Variants in INPP5B observed in about 807,000 individuals in gnomAD.
The protein encoded by INPP5B is type II inositol 1,4,5-trisphosphate 5-phosphatase.
INPP5B carries 90 observed loss-of-function variants against 118.5 expected under a neutral mutation model. That is an observed-to-expected ratio of 0.76 (90% CI 0.64 to 0.90). The LOEUF (loss-of-function observed/expected upper bound fraction) is 0.90, where lower values mean the gene tolerates loss of function less well. Among genes scored for constraint, INPP5B ranks in the 40% least tolerant of loss-of-function variants. The probability of loss-of-function intolerance (pLI) is 0.00; values close to 1 mark genes in which losing one functional copy is unlikely to be tolerated. For synonymous variants in INPP5B, 385 were observed against 418.9 expected, an observed-to-expected ratio of 0.92 and a Z score of 0.99; for missense variants, 984 against 1,125.6, an observed-to-expected ratio of 0.87 and a Z score of 1.80.
chr1:37,897,423 G>A (rs373408586), intron 7 of INPP5B, among the ~76,000 whole-genome samples: 8 of 151,324 alleles, frequency 5.3e-5, no homozygotes, highest in South Asian at 2.1e-4. Context: ...CCTGTTGATC[G>A]GTGACCTTAC....
chr1:37,917,339 T>TATA (rs1557694463), intron 7 of INPP5B, among the ~76,000 whole-genome samples: 6 of 120,682 alleles, frequency 5.0e-5, no homozygotes, highest in African/African-American at 5.9e-5. Context: ...TATATATATA[T>TATA]TTGAGAAAGG....
intron 7 of INPP5B, among the ~76,000 whole-genome samples, chr1:37,896,999 G>A (rs1488892261): frequency 1.1e-4 from 13 of 123,580 alleles, no homozygotes; most frequent in African/African-American, 1.5e-4. Context: ...TCAGCCCCCC[G>A]CCCGGCCAGC....
intron 6 of INPP5B, among the ~76,000 whole-genome samples, chr1:37,935,798 G>A (rs1315254421): frequency 1.3e-5 from 2 of 152,006 alleles, no homozygotes; most frequent in East Asian, 3.9e-4. Context: ...CGGGCGCGGT[G>A]GCTCACGCCT....
chr1:37,890,383 T>G (rs373053782), intron 8 of INPP5B, among the ~76,000 whole-genome samples: 6 of 152,052 alleles, frequency 3.9e-5, no homozygotes, highest in South Asian at 2.1e-4. Context: ...TAAAACCCTC[T>G]AGGTCCTTTA....
chr1:37,894,434 A>C (rs1429294164), intron 7 of INPP5B, among the ~76,000 whole-genome samples: 1 of 152,098 alleles, frequency 6.6e-6, no homozygotes, highest in Non-Finnish European at 1.5e-5. Flanking sequence ...ACTTTGTCTG[A>C]TTTATGCATC....
chr1:37,864,932 ATCCC>A (rs1374969593), intron 22 of INPP5B: 1 of 152,484 alleles, frequency 6.6e-6, no homozygotes, highest in African/African-American at 2.4e-5. Context: ...CATGCCTGTA[ATCCC>A]AGCACTTTGG....
chr1:37,887,301 T>C (rs775620178), intron 11 of INPP5B, 50 bp downstream of exon 11: 9 of 1,093,302 alleles, frequency 8.2e-6, no homozygotes, highest in African/African-American at 3.2e-5. Flanking sequence ...GATCTTGGAA[T>C]TTCCCTGCAT....
intron 18 of INPP5B, among the ~76,000 whole-genome samples, chr1:37,873,758 C>T (rs568268504): frequency 1.3e-5 from 2 of 152,318 alleles, no homozygotes; most frequent in African/African-American, 4.8e-5. Context: ...TTTATGTTTT[C>T]TCTTTCTGTG....
chr1:37,926,410 A>G (rs1394562416), intron 7 of INPP5B, among the ~76,000 whole-genome samples: 1 of 151,934 alleles, frequency 6.6e-6, no homozygotes, highest in Non-Finnish European at 1.5e-5. Context: ...TCAGCCTCTC[A>G]AGTAGCTGGG....
At chr1:37,917,832 A>C (rs1170803873) in intron 7 of INPP5B, among the ~76,000 whole-genome samples, 2 of 152,146 alleles carry the variant, frequency 1.3e-5, no homozygotes, top group African/African-American at 4.8e-5. Flanking sequence ...GGACAGTGCA[A>C]ATCTAGACCT....
At chr1:37,916,228 G>C (rs1183474224) in intron 7 of INPP5B, among the ~76,000 whole-genome samples, 2 of 151,768 alleles carry the variant, frequency 1.3e-5, no homozygotes, top group Non-Finnish European at 2.9e-5. Flanking sequence ...CAAGTAGCTA[G>C]GATTACAGGC....
intron 15 of INPP5B, 110 bp from the exon 16 acceptor site, chr1:37,878,433 G>A: frequency 6.6e-7 from 1 of 1,507,880 alleles, no homozygotes; most frequent in South Asian, 1.3e-5. Context: ...TCATGTCCAT[G>A]TGGCTAAGTC....
chr1:37,937,725 C>T (rs552340114), intron 6 of INPP5B, among the ~76,000 whole-genome samples: 59 of 151,790 alleles, frequency 3.9e-4, no homozygotes, highest in African/African-American at 1.4e-3. Context: ...TGAGATTGCA[C>T]CACTGCACTC....
At chr1:37,928,690 T>A (rs1356578905) in intron 7 of INPP5B, 1 of 152,104 alleles carries the variant, frequency 6.6e-6, no homozygotes, top group Non-Finnish European at 1.5e-5. Flanking sequence ...GAGACAGGAT[T>A]TCGTCATGTT....
chr1:37,895,709 T>G (rs919574208), intron 7 of INPP5B, among the ~76,000 whole-genome samples: 23 of 152,238 alleles, frequency 1.5e-4, no homozygotes, highest in African/African-American at 5.3e-4. Context: ...GAGACGGGGA[T>G]TCGCTGTGTT....
At chr1:37,875,871 T>C (rs890138853) in intron 16 of INPP5B, among the ~76,000 whole-genome samples, 155 bp from the exon 17 acceptor site, 14 of 152,210 alleles carry the variant, frequency 9.2e-5, no homozygotes, top group African/African-American at 3.4e-4. Context: ...CCATTAACAA[T>C]TGACTTAGAA....
At chr1:37,900,654 T>A (rs1486198479) in intron 7 of INPP5B, among the ~76,000 whole-genome samples, 1 of 148,868 alleles carries the variant, frequency 6.7e-6, no homozygotes, top group Admixed American at 6.7e-5. Flanking sequence ...AGACAGAGTC[T>A]CACTCACTCT....
chr1:37,889,493 C>G (rs2148516826), intron 9 of INPP5B, 64 bp downstream of exon 9: 1 of 1,328,922 alleles, frequency 7.5e-7, no homozygotes, highest in East Asian at 2.4e-5. Flanking sequence ...GGAGGAAGTG[C>G]TCAAATTCCA....
In INPP5B at chr1:37,885,828, A is replaced by G. The variant is rs757576461; in HGVS notation, c.1132-3T>C. 6.8e-6 allele frequency: 11 copies of G among 1,612,812 alleles called. No individual in the cohort carries two copies. The highest frequency in any genetic ancestry group is 1.3e-5 in the African/African-American group (1 of 75,018). ...ATCGCCACGCCTCCCTTGTTGCCCTATGGAAAGGATCCCCAAAGAAATCCA... is the reference window on the plus strand; with the variant it reads ...ATCGCCACGCCTCCCTTGTTGCCCTGTGGAAAGGATCCCCAAAGAAATCCA... On this transcript the variant is annotated splice_polypyrimidine_tract_variant and splice_region_variant and intron_variant, in intron 12 of 23. Transcript: ENST00000373024.
Sources: gnomAD v4.1 joint callset for allele counts (sites outside exome capture counted in the v4.1 genomes callset) on GRCh38, gnomAD v4.1.1 for gene constraint, MANE v1.5 for transcripts, NCBI Gene and HGNC (gene_info 2026-07-23, HGNC 2026-07-21) for gene names.